The following C5orf15 variants were observed in gnomAD, a reference collection of about 807,000 sequenced individuals.
C5orf15 encodes the protein keratinocyte-associated transmembrane protein 2.
In C5orf15, 10 loss-of-function variants were observed where a neutral mutation model predicts 17.8. The observed-to-expected ratio is 0.56, with a 90% confidence interval of 0.35 to 0.95. The LOEUF (loss-of-function observed/expected upper bound fraction) is 0.95. Ranked by LOEUF, C5orf15 falls within the 40% of genes least tolerant of loss-of-function variation. C5orf15 has a pLI of 0.02. For synonymous variants in C5orf15, 124 were observed against 131.0 expected, an observed-to-expected ratio of 0.95 and a Z score of 0.36; for missense variants, 319 against 331.7, an observed-to-expected ratio of 0.96 and a Z score of 0.30.
At position 133,959,757 on chromosome 5, in the gene C5orf15, A is replaced by C. The variant is rs1237756165; in HGVS notation, c.403T>G (p.Ser135Ala). Residue 135 changes from serine to alanine, a missense_variant, in exon 2 of 3, where the codon TCT becomes GCT. Ser to Ala is a moderately conservative substitution (Grantham distance 99, BLOSUM62 1). Coordinates refer to ENST00000231512, the MANE Select transcript of C5orf15 (RefSeq NM_020199.3). Reference protein sequence around the residue: ...EEEDLLMLNSSPSTAKDTLDN... With the variant: ...EEEDLLMLNSAPSTAKDTLDN... ...AGAGTGTCTTTGGCTGTGGATGGAG[A>C]ACTGTTCAGCATGAGAAGATCCTCC... The C allele has an allele frequency of 6.2e-7, 1 of 1,613,944 alleles. No individual in the cohort carries two copies. The highest frequency in any genetic ancestry group is 8.5e-7 in the Non-Finnish European group (1 of 1,179,994).
intron 1 of C5orf15, among the ~76,000 whole-genome samples, chr5:133,963,904 T>C (rs6898552): frequency 0.029 from 4,403 of 152,208 alleles, 210 homozygotes; most frequent in African/African-American, 0.1. Context: ...ACCTATACCA[T>C]AGAATATTAC....
At chr5:133,963,681 G>A (rs1752152558) in intron 1 of C5orf15, among the ~76,000 whole-genome samples, 2 of 151,844 alleles carry the variant, frequency 1.3e-5, no homozygotes, top group South Asian at 2.1e-4. Flanking sequence ...AAATGTAAAT[G>A]ACCTAAATAC....
intron 1 of C5orf15, among the ~76,000 whole-genome samples, chr5:133,966,293 A>G (rs868548689): frequency 3.3e-5 from 5 of 152,298 alleles, no homozygotes; most frequent in Middle Eastern, 3.4e-3. Context: ...AAATAAAACT[A>G]TATCAGCATT....
intron 2 of C5orf15, 127 bp downstream of exon 2, chr5:133,959,367 T>A (rs1752083765): frequency 8.4e-6 from 5 of 597,422 alleles, no homozygotes; most frequent in Non-Finnish European, 1.3e-5. Flanking sequence ...GTACTCCAGC[T>A]TGGTTGACAG....
rs1460567871 is a variant in C5orf15 at position 133,959,833 on chromosome 5, A to G, written c.327T>C (p.Thr109=). 6.2e-7 allele frequency: 1 copy of G among 1,614,080 alleles called. No homozygotes were observed. Among genetic ancestry groups the G allele is most frequent in the Non-Finnish European group, 8.5e-7 (1 of 1,180,008 alleles). ...TATCAGCTTCCTCTTGAGACAGAGG[A>G]GTAGGCGAGGGATGAGGGACCACAG... ...GASVVPHPSP[T]PLSQEEADNN... The change falls in exon 2 of 3, where the codon ACT becomes ACC. Residue 109 remains threonine, a synonymous_variant. Coordinates refer to ENST00000231512, the MANE Select transcript of C5orf15 (RefSeq NM_020199.3).
chr5:133,956,894 G>C lies in C5orf15; in HGVS notation c.763C>G (p.Pro255Ala). 1 of 1,603,342 alleles carries C rather than the reference G, an allele frequency of 6.2e-7. No homozygotes were observed. The highest frequency in any genetic ancestry group is 8.5e-7 in the Non-Finnish European group (1 of 1,175,280). ...RLDQNVNEAM[P>A]SLKITNDYIF ...TAATCATTGGTAATCTTCAAAGAAG[G>C]CATTGCCTCATTAACATTCTGATCT... The change falls in exon 3 of 3, where the codon CCT becomes GCT. Residue 255 changes from proline (P) to alanine (A), a missense_variant. Pro to Ala is a conservative substitution (Grantham distance 27). Coordinates refer to ENST00000231512, the MANE Select transcript of C5orf15 (RefSeq NM_020199.3).
At chr5:133,962,130 G>A (rs1371065220) in intron 1 of C5orf15, among the ~76,000 whole-genome samples, 2 of 152,108 alleles carry the variant, frequency 1.3e-5, no homozygotes, top group East Asian at 3.8e-4. Context: ...ATTTAAAATT[G>A]AAATAAGTGG....
rs893302858 is a variant in C5orf15 at position 133,955,749 on chromosome 5, A to G, written c.*1110T>C. Reference sequence around the variant, plus strand: ...GTCCTGCTTAACATATATTAGGGCTATGTTTTCTAAAAAGCTGTAGTGACA... The same window carrying G: ...GTCCTGCTTAACATATATTAGGGCTGTGTTTTCTAAAAAGCTGTAGTGACA... On this transcript the variant is annotated 3_prime_UTR_variant, in exon 3 of 3. Transcript: ENST00000231512. 2 of 152,596 alleles carry G rather than the reference A, an allele frequency of 1.3e-5. No individual in the cohort carries two copies. The highest frequency in any genetic ancestry group is 4.1e-4 in the South Asian group (2 of 4,832). The allele number at this position is 152,596 out of a possible 1,614,324, so 9.5% of individuals were successfully genotyped here.
chr5:133,968,388 CT>C, intron 1 of C5orf15, 57 bp downstream of exon 1: 1 of 1,572,660 alleles, frequency 6.4e-7, no homozygotes. Context: ...GGCCTGTCTC[CT>C]GCCCTGCGCC....
At chr5:133,965,919 T>G (rs772416384) in intron 1 of C5orf15, among the ~76,000 whole-genome samples, 1 of 150,530 alleles carries the variant, frequency 6.6e-6, no homozygotes, top group Non-Finnish European at 1.5e-5. Context: ...AGCAAAACCC[T>G]GTCTCAAACA....
chr5:133,961,863 C>A lies in C5orf15; in HGVS notation c.140-1843G>T, dbSNP rs558825423. On this transcript the variant is annotated intron_variant, in intron 1 of 2. Coordinates refer to ENST00000231512, the MANE Select transcript of C5orf15 (RefSeq NM_020199.3). ...AAGAAATCCTCCCACCTTGGCCTCCCAAAGTACTGGGATTACAGTAAAACT... is the reference window on the plus strand; with the variant it reads ...AAGAAATCCTCCCACCTTGGCCTCCAAAAGTACTGGGATTACAGTAAAACT... Among the ~76,000 whole-genome samples, 127 of 151,982 alleles carry A rather than the reference C, an allele frequency of 8.4e-4. No homozygotes were observed. In the Middle Eastern group the frequency reaches 0.01, roughly 12 times the overall value.
At chr5:133,957,133 G>A in intron 2 of C5orf15, 143 bp from the exon 3 acceptor site, 1 of 681,544 alleles carries the variant, frequency 1.5e-6, no homozygotes, top group Non-Finnish European at 2.4e-6. Flanking sequence ...TTTAGGCCGA[G>A]GCAGGCAGAT....
rs769385290 is a variant in C5orf15, at chr5:133,959,912, T to C, written c.248A>G (p.Gln83Arg). ...HENQTKPSIS[Q>R]ISTTLPPTTS... ...CGTGGGAGGGAGGGTGGTGCTGATTTGGGAAATAGAAGGTTTGGTTTGGTT... is the reference window on the plus strand; with the variant it reads ...CGTGGGAGGGAGGGTGGTGCTGATTCGGGAAATAGAAGGTTTGGTTTGGTT... The change falls in exon 2 of 3, where the codon CAA becomes CGA. Residue 83 changes from glutamine to arginine, a missense_variant. Transcript: ENST00000231512. The C allele has an allele frequency of 1.5e-5, 25 of 1,613,942 alleles. No homozygotes were observed. The highest frequency in any genetic ancestry group is 2.1e-5 in the Non-Finnish European group (25 of 1,179,992).
rs1752101482 is a variant in C5orf15, at chr5:133,960,032, A to G, written c.140-12T>C. On this transcript the variant is annotated splice_polypyrimidine_tract_variant and intron_variant, in intron 1 of 2. Coordinates refer to ENST00000231512, the MANE Select transcript of C5orf15 (RefSeq NM_020199.3). ...AGTCCGTGATACAACTGAAACAAAC[A>G]AAGAATATCAAACTGAAATCTCCAA... is the stretch of plus-strand genomic sequence containing the variant. The G allele has an allele frequency of 6.4e-7, 1 of 1,567,182 alleles. No individual in the cohort carries two copies. Among genetic ancestry groups the G allele is most frequent in the South Asian group, 1.2e-5 (1 of 84,576 alleles).
intron 2 of C5orf15, among the ~76,000 whole-genome samples, chr5:133,957,260 A>T (rs1011464844): frequency 2.0e-5 from 3 of 151,654 alleles, no homozygotes; most frequent in Admixed American, 2.0e-4. Flanking sequence ...GCTACTCAGG[A>T]GGCTAAGGTG....
chr5:133,966,197 G>A (rs925446215), intron 1 of C5orf15, among the ~76,000 whole-genome samples: 2 of 151,758 alleles, frequency 1.3e-5, no homozygotes, highest in South Asian at 2.1e-4. Flanking sequence ...CTCCAGCCTC[G>A]CGACAGACTC....
intron 1 of C5orf15, among the ~76,000 whole-genome samples, chr5:133,961,788 G>A (rs1251390554): frequency 1.8e-5 from 2 of 112,528 alleles, no homozygotes; most frequent in Non-Finnish European, 3.7e-5. Context: ...TTTTTTTTTT[G>A]AGACAGCATC....
chr5:133,957,999 CTT>C (rs1174931930), intron 2 of C5orf15, among the ~76,000 whole-genome samples: 2 of 152,144 alleles, frequency 1.3e-5, no homozygotes, highest in Non-Finnish European at 2.9e-5. Flanking sequence ...ACAGATGTCT[CTT>C]GTGCCTCATG....
intron 2 of C5orf15, 48 bp from the exon 3 acceptor site, chr5:133,957,038 T>C (rs1210839781): frequency 1.4e-6 from 2 of 1,434,944 alleles, no homozygotes; most frequent in East Asian, 2.3e-5. Flanking sequence ...ACAGAGAATA[T>C]GGTAAACATT....
Sources: allele counts gnomAD v4.1 joint callset (sites outside exome capture counted in the v4.1 genomes callset), GRCh38; gene constraint gnomAD v4.1.1; transcripts MANE v1.5; gene names NCBI Gene and HGNC (gene_info 2026-07-23, HGNC 2026-07-21).